Variants in ELAVL2 observed in about 807,000 individuals in gnomAD.
ELAVL2 encodes the protein ELAV-like protein 2.
In ELAVL2, 4 loss-of-function variants were observed where a neutral mutation model predicts 34.6. That is an observed-to-expected ratio of 0.12 (90% CI 0.06 to 0.26). ELAVL2 has a LOEUF of 0.26. Among genes scored for constraint, ELAVL2 ranks in the 10% least tolerant of loss-of-function variants. The probability of loss-of-function intolerance (pLI) is 1.00; values close to 1 mark genes in which losing one functional copy is unlikely to be tolerated. For missense variants in ELAVL2, 432 were observed against 442.8 expected, an observed-to-expected ratio of 0.98 and a Z score of 0.22; for synonymous variants, 193 against 154.8, an observed-to-expected ratio of 1.25 and a Z score of -1.83.
chr9:23,776,393 C>T (rs1461263546), intron 1 of ELAVL2, among the ~76,000 whole-genome samples: 1 of 152,130 alleles, frequency 6.6e-6, no homozygotes, highest in Non-Finnish European at 1.5e-5. Flanking sequence ...ATAAGCCAAT[C>T]TCATCACCAA....
rs184648272 is a variant in ELAVL2 at position 23,799,417 on chromosome 9, C to T, written c.-16+26389G>A. On this transcript the variant is annotated intron_variant, in intron 1 of 6. Transcript: ENST00000397312. ...TTTTCCTAAGGCACTCAGGGTGAAA[C>T]CTGGACTAGAACCTAGATGTCCCTC... Among the ~76,000 whole-genome samples, 4 of 152,276 alleles carry T rather than the reference C, an allele frequency of 2.6e-5. No homozygotes were observed. In the East Asian group the frequency reaches 7.7e-4, roughly 29 times the overall value.
At chr9:23,831,162 GCT>G (rs1282076436), upstream of ELAVL2, among the ~76,000 whole-genome samples, 1 of 152,180 alleles carries the variant, frequency 6.6e-6, no homozygotes, top group African/African-American at 2.4e-5. Context: ...ATGCTCGGAG[GCT>G]CTTTCTTATA....
At chr9:23,730,098 A>G (rs138059662) in intron 3 of ELAVL2, among the ~76,000 whole-genome samples, 1 of 152,282 alleles carries the variant, frequency 6.6e-6, no homozygotes, top group African/African-American at 2.4e-5. Context: ...TCTGTGAGAA[A>G]GAGTGCCATG....
intron 5 of ELAVL2, among the ~76,000 whole-genome samples, chr9:23,696,951 T>A (rs545241083): frequency 4.3e-4 from 66 of 151,830 alleles, no homozygotes; most frequent in African/African-American, 1.5e-3. Context: ...GTATTTAAAA[T>A]AAAGTATTTT....
the ELAVL2 span, chr9:23,847,291 T>G: frequency 6.6e-6 from 1 of 152,036 alleles, no homozygotes; most frequent in Non-Finnish European, 1.5e-5. Flanking sequence ...TTGCATGCCC[T>G]GGATATGGTA....
At chr9:23,827,469 C>T (rs1387075262), upstream of ELAVL2, among the ~76,000 whole-genome samples, 2 of 152,148 alleles carry the variant, frequency 1.3e-5, no homozygotes, top group South Asian at 2.1e-4. Flanking sequence ...TTCCAGCCAG[C>T]ATTTCTCTTT....
At chr9:23,828,623 T>G (rs1301511967), upstream of ELAVL2, among the ~76,000 whole-genome samples, 1 of 151,940 alleles carries the variant, frequency 6.6e-6, no homozygotes, top group Non-Finnish European at 1.5e-5. Flanking sequence ...GTATTTATGG[T>G]TTTTTTTCAG....
the ELAVL2 span, among the ~76,000 whole-genome samples, chr9:23,837,475 C>T: frequency 1.3e-5 from 2 of 152,124 alleles, no homozygotes; most frequent in Non-Finnish European, 2.9e-5. Flanking sequence ...AGGTGGCATT[C>T]TAATCCTCTA....
chr9:23,717,647 A>C (rs2133940747), intron 3 of ELAVL2, among the ~76,000 whole-genome samples: 1 of 152,226 alleles, frequency 6.6e-6, no homozygotes, highest in South Asian at 2.1e-4. Flanking sequence ...TCAACTCTGA[A>C]ATCAACACAG....
intron 2 of ELAVL2, among the ~76,000 whole-genome samples, chr9:23,737,548 T>C (rs961377664): frequency 2.6e-5 from 4 of 152,228 alleles, no homozygotes; most frequent in African/African-American, 4.8e-5. Context: ...GATGTCAGCA[T>C]ATAATTTTGT....
intron 2 of ELAVL2, among the ~76,000 whole-genome samples, chr9:23,758,641 A>G (rs1050819995): frequency 6.6e-6 from 1 of 152,118 alleles, no homozygotes; most frequent in African/African-American, 2.4e-5. Flanking sequence ...GTTAACAACA[A>G]ATGATTTCAA....
At chr9:23,694,314 T>C (rs1345917775) in intron 5 of ELAVL2, among the ~76,000 whole-genome samples, 3 of 152,180 alleles carry the variant, frequency 2.0e-5, no homozygotes, top group African/African-American at 7.2e-5. Flanking sequence ...GTGTAAGTAC[T>C]CTTTAAAACC....
intron 3 of ELAVL2, among the ~76,000 whole-genome samples, chr9:23,707,209 G>T (rs563058117): frequency 6.6e-6 from 1 of 152,324 alleles, no homozygotes; most frequent in African/African-American, 2.4e-5. Context: ...AACTTAGATG[G>T]AATCAAATCT....
At chr9:23,764,995 A>G (rs752635407) in intron 1 of ELAVL2, 11 of 1,608,500 alleles carry the variant, frequency 6.8e-6, no homozygotes, top group Non-Finnish European at 9.3e-6. Flanking sequence ...GAATTTAAGA[A>G]AAATCCCACA....
At chr9:23,768,118 C>G (rs2056659277) in intron 1 of ELAVL2, among the ~76,000 whole-genome samples, 1 of 152,162 alleles carries the variant, frequency 6.6e-6, no homozygotes. Flanking sequence ...TAAACCCTCC[C>G]ACAGCTCCCT....
chr9:23,752,613 T>C (rs1313794767), intron 2 of ELAVL2, among the ~76,000 whole-genome samples: 1 of 151,790 alleles, frequency 6.6e-6, no homozygotes, highest in Non-Finnish European at 1.5e-5. Context: ...CAGCACCAAG[T>C]CTAGCTAATT....
chr9:23,809,615 A>C (rs2062710542), intron 1 of ELAVL2, among the ~76,000 whole-genome samples: 1 of 152,152 alleles, frequency 6.6e-6, no homozygotes, highest in African/African-American at 2.4e-5. Flanking sequence ...TATCAGTCTC[A>C]TGTACTATAT....
the ELAVL2 span, among the ~76,000 whole-genome samples, chr9:23,848,742 A>C: frequency 3.3e-5 from 5 of 152,200 alleles, no homozygotes; most frequent in Non-Finnish European, 7.3e-5. Context: ...GTCTTGAGAA[A>C]TGTAGGCACA....
intron 1 of ELAVL2, among the ~76,000 whole-genome samples, chr9:23,803,261 T>C (rs989475767): frequency 3.3e-5 from 5 of 152,308 alleles, no homozygotes; most frequent in Non-Finnish European, 7.3e-5. Context: ...TACATAAACA[T>C]TGTCGGGGAA....
Sources: gnomAD v4.1 joint callset for allele counts (sites outside exome capture counted in the v4.1 genomes callset) on GRCh38, gnomAD v4.1.1 for gene constraint, MANE v1.5 for transcripts, NCBI Gene and HGNC (gene_info 2026-07-23, HGNC 2026-07-21) for gene names.